The following TJAP1 variants were observed in gnomAD, a reference collection of about 807,000 sequenced individuals.
TJAP1 encodes tight junction-associated protein 1.
Under a neutral mutation model 42.0 loss-of-function variants are expected in TJAP1, and 27 were observed. The ratio of observed to expected loss-of-function variants is 0.64; its 90% CI spans 0.47 to 0.89. The LOEUF (loss-of-function observed/expected upper bound fraction) is 0.89. TJAP1 is among the 40% of genes least tolerant of loss of function. The pLI is 0.00. For synonymous variants in TJAP1, 257 were observed against 288.4 expected (o/e 0.89, Z 1.10); for missense variants, 712 against 726.9 (o/e 0.98, Z 0.24).
At chr6:43,482,582 T>G (rs567736084) in intron 2 of TJAP1, among the ~76,000 whole-genome samples, 216 of 152,348 alleles carry the variant, frequency 1.4e-3, no homozygotes, top group Non-Finnish European at 2.3e-3. Context: ...CCTTCTTCTG[T>G]GCTTCTGTCC....
intron 2 of TJAP1, among the ~76,000 whole-genome samples, chr6:43,483,124 TAA>T (rs70990191): frequency 1.0e-4 from 13 of 125,656 alleles, no homozygotes; most frequent in African/African-American, 1.4e-4. Context: ...TCCATCTCAA[TAA>T]AAAAAAAAAA....
At chr6:43,504,351 G>A (rs1235473781) in intron 10 of TJAP1, 10 of 228,852 alleles carry the variant, frequency 4.4e-5, no homozygotes, top group East Asian at 1.1e-4. Context: ...TCCTGACCTC[G>A]TGATCCACCC....
chr6:43,487,843 C>G (rs976094703), intron 2 of TJAP1, among the ~76,000 whole-genome samples: 1 of 151,572 alleles, frequency 6.6e-6, no homozygotes, highest in African/African-American at 2.4e-5. Flanking sequence ...AACCACTGTT[C>G]GCCATTTATC....
chr6:43,492,773 A>C lies in TJAP1; in HGVS notation c.-121-5108A>C, dbSNP rs1788093737. ...CAGGGCTTACGCTTGCAGGGTGACC[A>C]TTTGTGTTCCTTAGACATCAGTTGG... is the stretch of plus-strand genomic sequence containing the variant. On this transcript the variant is annotated intron_variant, in intron 2 of 10. Coordinates refer to ENST00000372449, the Ensembl canonical transcript of TJAP1. This position sits in a 1 kb window ranked among gnomAD's most constrained non-coding sequence, Gnocchi z 4.2. Among the ~76,000 whole-genome samples the C allele has an allele frequency of 6.6e-6, 1 of 152,124 alleles. No individual in the cohort carries two copies. The highest frequency in any genetic ancestry group is 6.5e-5 in the Admixed American group (1 of 15,280).
At chr6:43,498,294 A>G (rs978083110) in intron 3 of TJAP1, among the ~76,000 whole-genome samples, 1 of 152,246 alleles carries the variant, frequency 6.6e-6, no homozygotes, top group African/African-American at 2.4e-5. Context: ...AACTGGAATC[A>G]GTAGCTCACA....
chr6:43,504,694 T>C (rs1462300797), intron 10 of TJAP1, 67 bp from the exon 11 acceptor site: 2 of 1,562,040 alleles, frequency 1.3e-6, no homozygotes, highest in Non-Finnish European at 8.7e-7. Context: ...GCCATTACTT[T>C]CGCCATGAGT....
rs1020987577 is a variant in TJAP1, at chr6:43,495,922, C to T, written c.-121-1959C>T. On this transcript the variant is annotated intron_variant, in intron 2 of 10. Coordinates refer to ENST00000372449, the Ensembl canonical transcript of TJAP1. This position sits in a 1 kb window ranked among gnomAD's most constrained non-coding sequence, Gnocchi z 4.6. The stretch of plus-strand genomic sequence containing the variant: ...TACAGGATTGCTGGACACCCAAGTG[C>T]GTTTGTGTCCTCCCTGCCTGCCTGC... Among the ~76,000 whole-genome samples the T allele has an allele frequency of 6.6e-6, 1 of 152,104 alleles. No individual in the cohort carries two copies. Among genetic ancestry groups the T allele is most frequent in the African/African-American group, 2.4e-5 (1 of 41,392 alleles).
intron 2 of TJAP1, chr6:43,497,072 G>A (rs1370700461): frequency 6.6e-6 from 1 of 152,352 alleles, no homozygotes; most frequent in Non-Finnish European, 1.5e-5. Flanking sequence ...TTCTTCACGA[G>A]TGTTCCTCAG....
chr6:43,485,918 T>C (rs1343758235), intron 2 of TJAP1, among the ~76,000 whole-genome samples: 1 of 152,092 alleles, frequency 6.6e-6, no homozygotes, highest in African/African-American at 2.4e-5. Flanking sequence ...TGTGGTTAAA[T>C]CATCTTCCAG....
intron 2 of TJAP1, chr6:43,497,599 C>T (rs79769045): frequency 0.069 from 10,469 of 152,268 alleles, 454 homozygotes; most frequent in South Asian, 0.11. Flanking sequence ...AGGACGGAAC[C>T]GGACCTATTC....
intron 4 of TJAP1, 53 bp from the exon 5 acceptor site, chr6:43,500,691 G>C: frequency 6.2e-7 from 1 of 1,612,382 alleles, no homozygotes; most frequent in South Asian, 1.1e-5. Context: ...GGGTGAGCCA[G>C]CCGGGGGTCC....
intron 5 of TJAP1, chr6:43,501,060 C>G (rs781032288): frequency 6.6e-5 from 32 of 487,610 alleles, no homozygotes; most frequent in Non-Finnish European, 1.1e-4. Flanking sequence ...GGCTCCTGTA[C>G]CAGCTGCCAC....
chr6:43,503,375 G>A (rs1426782950), intron 8 of TJAP1, 26 bp from the exon 9 acceptor site: 1 of 1,583,948 alleles, frequency 6.3e-7, no homozygotes, highest in Non-Finnish European at 8.7e-7. Flanking sequence ...AGTGTGGGCT[G>A]GGTTAACCTC....
chr6:43,501,767 GTC>G (rs796459424), intron 6 of TJAP1, 80 bp downstream of exon 6: 4,874 of 440,448 alleles, frequency 0.011, 1 homozygote, highest in East Asian at 0.024. Flanking sequence ...CACTCTCTCT[GTC>G]TCTCTCTCTC....
chr6:43,483,327 A>G (rs1220105829), intron 2 of TJAP1, among the ~76,000 whole-genome samples: 1 of 152,132 alleles, frequency 6.6e-6, no homozygotes, highest in Non-Finnish European at 1.5e-5. Context: ...CAAACCTATC[A>G]TGGGCATCCA....
At chr6:43,493,655 C>T (rs1788309058) in intron 2 of TJAP1, among the ~76,000 whole-genome samples, 1 of 152,150 alleles carries the variant, frequency 6.6e-6, no homozygotes, top group African/African-American at 2.4e-5. Context: ...TTAGGCAGAA[C>T]CCCGGAAAGG....
At chr6:43,498,660 G>A (rs893752220) in intron 3 of TJAP1, among the ~76,000 whole-genome samples, 3 of 152,262 alleles carry the variant, frequency 2.0e-5, no homozygotes, top group Non-Finnish European at 4.4e-5. Flanking sequence ...AGCCCACAAA[G>A]GAGAGTGGTA....
chr6:43,487,870 G>GTT (rs549444658), intron 2 of TJAP1, among the ~76,000 whole-genome samples: 33 of 138,342 alleles, frequency 2.4e-4, no homozygotes, highest in Admixed American at 2.9e-4. Context: ...CCTTCTAGTA[G>GTT]TTTTTTTTTT....
intron 2 of TJAP1, among the ~76,000 whole-genome samples, chr6:43,490,244 G>A (rs1173019219): frequency 6.6e-6 from 1 of 152,214 alleles, no homozygotes; most frequent in African/African-American, 2.4e-5. Context: ...CCCATCACCA[G>A]CCTGCTGCTG....
Sources: gnomAD v4.1 joint callset for allele counts (sites outside exome capture counted in the v4.1 genomes callset) on GRCh38, gnomAD v4.1.1 for gene constraint, Gnocchi (gnomAD v3.1) non-coding constraint, MANE v1.5 for transcripts, NCBI Gene and HGNC (gene_info 2026-07-23, HGNC 2026-07-21) for gene names.